The following BMP3 variants were observed in gnomAD, a reference collection of about 807,000 sequenced individuals.
BMP3 encodes the protein bone morphogenetic protein 3 (osteogenic).
In BMP3, 23 loss-of-function variants were observed where a neutral mutation model predicts 38.1. The ratio of observed to expected loss-of-function variants is 0.60; its 90% CI spans 0.43 to 0.86. The LOEUF is 0.86. BMP3 is among the 40% of genes least tolerant of loss of function. The probability of loss-of-function intolerance (pLI) is 0.00; values close to 1 mark genes in which losing one functional copy is unlikely to be tolerated. For synonymous variants in BMP3, 258 were observed against 225.7 expected, an observed-to-expected ratio of 1.14 and a Z score of -1.28; for missense variants, 628 against 579.6, an observed-to-expected ratio of 1.08 and a Z score of -0.86.
At chr4:81,031,747 G>A in intron 1 of BMP3, 147 bp downstream of exon 1, 5 of 1,004,066 alleles carry the variant, frequency 5.0e-6, no homozygotes, top group Non-Finnish European at 7.1e-6. Flanking sequence ...GGATTCCTCC[G>A]TCCAGTCACA....
chr4:81,052,335 G>A (rs1348513029), intron 2 of BMP3, among the ~76,000 whole-genome samples: 1 of 152,130 alleles, frequency 6.6e-6, no homozygotes, highest in Non-Finnish European at 1.5e-5. Context: ...GCACAGTGGG[G>A]CATCTCTTAG....
At position 81,034,413 on chromosome 4, in the gene BMP3, T is replaced by C. The variant is rs767814932; in HGVS notation, c.316+2813T>C. Among the ~76,000 whole-genome samples, 438 of 152,334 alleles carry C rather than the reference T, an allele frequency of 2.9e-3. 1 individual carries two copies. Among genetic ancestry groups the C allele is most frequent in the Non-Finnish European group, 5.2e-3 (357 of 68,014 alleles). On this transcript the variant is annotated intron_variant, in intron 1 of 2. Transcript: ENST00000282701. ...AATTAGCATTTATTTTGATTTTGGT[T>C]TAAGTTGTCTCTGGCTACTATATGA...
At chr4:81,044,108 A>G (rs1456934009) in intron 1 of BMP3, among the ~76,000 whole-genome samples, 2 of 152,208 alleles carry the variant, frequency 1.3e-5, no homozygotes, top group East Asian at 1.9e-4. Context: ...TGAAGTTGGT[A>G]AGTGGCTGAG....
In BMP3 at chr4:81,031,459, C is replaced by A; in HGVS notation, c.175C>A (p.His59Asn). Residue 59 changes from histidine (H) to asparagine (N), a missense_variant, in exon 1 of 3, where the codon CAC (histidine) becomes AAC (asparagine). By Grantham distance (68) the His-to-Asn change is moderately conservative (BLOSUM62 1). Coordinates refer to ENST00000282701, the MANE Select transcript of BMP3 (RefSeq NM_001201.5). The part of the protein sequence containing the change: ...ELQPQDKVSE[H>N]MLRLYDRYST... ...GCAGCCGCAAGACAAGGTCTCTGAACACATGCTGCGGCTCTATGACAGGTA... is the reference window on the plus strand; with the variant it reads ...GCAGCCGCAAGACAAGGTCTCTGAAAACATGCTGCGGCTCTATGACAGGTA... The A allele has an allele frequency of 6.2e-7, 1 of 1,613,626 alleles. No homozygotes were observed. The highest frequency in any genetic ancestry group is 8.5e-7 in the Non-Finnish European group (1 of 1,179,762).
chr4:81,047,308 G>A (rs964925419), intron 2 of BMP3, among the ~76,000 whole-genome samples: 11 of 152,078 alleles, frequency 7.2e-5, no homozygotes, highest in Admixed American at 2.0e-4. Flanking sequence ...GTATCTCCTC[G>A]AAAATCCATA....
intron 1 of BMP3, among the ~76,000 whole-genome samples, chr4:81,043,955 T>G (rs1366140607): frequency 6.6e-6 from 1 of 152,184 alleles, no homozygotes; most frequent in African/African-American, 2.4e-5. Flanking sequence ...ATACCAGAAC[T>G]AATAACAATA....
intron 1 of BMP3, among the ~76,000 whole-genome samples, chr4:81,032,352 G>C (rs2868127): frequency 6.6e-6 from 1 of 152,118 alleles, no homozygotes; most frequent in African/African-American, 2.4e-5. Flanking sequence ...ATCTGCCCAA[G>C]AAAATCTGCT....
chr4:81,031,197 C>G lies in BMP3; in HGVS notation c.-88C>G. On this transcript the variant is annotated 5_prime_UTR_variant, in exon 1 of 3. Transcript: ENST00000282701. ...CCCTCGCCCCAGCTGGTTTGGAGTTCAACCCTCGGCTCCGCCGCCGGCTCC... is the reference window on the plus strand; with the variant it reads ...CCCTCGCCCCAGCTGGTTTGGAGTTGAACCCTCGGCTCCGCCGCCGGCTCC... The G allele has an allele frequency of 7.1e-7, 1 of 1,400,154 alleles. No individual in the cohort carries two copies. The highest frequency in any genetic ancestry group is 9.5e-7 in the Non-Finnish European group (1 of 1,056,456). 86.7% of individuals were successfully genotyped at this position (1,400,154 alleles called of 1,614,324 possible).
chr4:81,031,331 G>T lies in BMP3; in HGVS notation c.47G>T (p.Cys16Phe). 6.2e-7 allele frequency: 1 copy of T among 1,610,900 alleles called. No homozygotes were observed. Among genetic ancestry groups the T allele is most frequent in the Non-Finnish European group, 8.5e-7 (1 of 1,179,026 alleles). Residue 16 changes from cysteine to phenylalanine, a missense_variant, in exon 1 of 3, where the codon TGC (cysteine) becomes TTC (phenylalanine). Cys to Phe is a radical substitution (Grantham distance 205). Transcript: ENST00000282701. ...CTCTTTCTGTGGCTGGGCTGCTTCTGCGTGAGCCTGGCGCAGGGAGAGAGA... is the reference window on the plus strand; with the variant it reads ...CTCTTTCTGTGGCTGGGCTGCTTCTTCGTGAGCCTGGCGCAGGGAGAGAGA... ...RLLFLWLGCF[C>F]VSLAQGERPK...
chr4:81,038,678 G>A (rs921509856), intron 1 of BMP3, among the ~76,000 whole-genome samples: 2 of 152,224 alleles, frequency 1.3e-5, no homozygotes, highest in Non-Finnish European at 2.9e-5. Flanking sequence ...GGCTCTTGCT[G>A]ATTTTGGGAA....
In BMP3 at chr4:81,046,329, C is replaced by A. The variant is rs759652850; in HGVS notation, c.908C>A (p.Pro303His). Residue 303 changes from proline to histidine, a missense_variant, in exon 2 of 3, where the codon CCT (proline) becomes CAT (histidine). Physicochemically the swap from Pro to His is moderately conservative, Grantham distance 77. Transcript: ENST00000282701. Reference sequence around the variant, plus strand: ...CTGCCTCTGCAGAACAACGAGCTTCCTGGGGCAGAATACCAGTATAAAAAG... The same window carrying A: ...CTGCCTCTGCAGAACAACGAGCTTCATGGGGCAGAATACCAGTATAAAAAG... ...VLLPLQNNEL[P>H]GAEYQYKKDE... is the part of the protein sequence containing the mutation. The A allele has an allele frequency of 1.9e-6, 3 of 1,613,988 alleles. No individual in the cohort carries two copies. Among genetic ancestry groups the A allele is most frequent in the Non-Finnish European group, 2.5e-6 (3 of 1,180,004 alleles).
Position 81,053,610 on chromosome 4 carries a change from T to C in BMP3, c.*74T>C. 1 of 811,964 alleles carries C rather than the reference T, an allele frequency of 1.2e-6. No homozygotes were observed. The highest frequency in any genetic ancestry group is 1.7e-6 in the Non-Finnish European group (1 of 578,032). The allele number at this position is 811,964 out of a possible 1,614,324, so 50.3% of individuals were successfully genotyped here. On this transcript the variant is annotated 3_prime_UTR_variant, in exon 3 of 3. Coordinates refer to ENST00000282701, the MANE Select transcript of BMP3 (RefSeq NM_001201.5). ...TTATGGACTTCTTCCTGTTTTTTTT[T>C]TTTTTTTTTTTGCACTGCCAATGCA...
intron 1 of BMP3, 68 bp downstream of exon 1, chr4:81,031,668 C>T (rs1560509169): frequency 2.7e-6 from 4 of 1,462,880 alleles, no homozygotes; most frequent in East Asian, 4.9e-5. Context: ...CCCCCCACAG[C>T]TTCCTTGTCT....
Position 81,046,203 on chromosome 4 carries a change from G to A in BMP3, c.782G>A (p.Gly261Glu). The A allele has an allele frequency of 6.2e-7, 1 of 1,614,060 alleles. No homozygotes were observed. Among genetic ancestry groups the A allele is most frequent in the Non-Finnish European group, 8.5e-7 (1 of 1,180,024 alleles). ...GAAAGTGTGGTATCAAGCTTACAGG[G>A]ACACCGGAATTTTCCCACTGGAACT... The part of the protein sequence containing the change: ...EPESVVSSLQ[G>E]HRNFPTGTVP... Residue 261 changes from glycine to glutamate, a missense_variant, in exon 2 of 3, where the codon GGA (glycine) becomes GAA (glutamate). Transcript: ENST00000282701.
chr4:81,033,349 C>T (rs545991829), intron 1 of BMP3, among the ~76,000 whole-genome samples: 1 of 152,128 alleles, frequency 6.6e-6, no homozygotes, highest in Non-Finnish European at 1.5e-5. Context: ...GCACCATATT[C>T]TTTTTGGCTT....
In BMP3 at chr4:81,043,071, A is replaced by G. The variant is rs145387805; in HGVS notation, c.317-2667A>G. ...CACTTCCCTTGTGCTTGGGGACTCA[A>G]TGAACTCATTTTAAGTTTCCACATC... On this transcript the variant is annotated intron_variant, in intron 1 of 2. Transcript: ENST00000282701. 5.7e-3 allele frequency among the ~76,000 whole-genome samples: 863 copies of G among 152,348 alleles called. 4 individuals carry two copies. Among genetic ancestry groups the G allele is most frequent in the African/African-American group, 0.02 (820 of 41,576 alleles).
At chr4:81,045,627 C>T (rs528357546) in intron 1 of BMP3, 111 bp from the exon 2 acceptor site, 15 of 930,688 alleles carry the variant, frequency 1.6e-5, no homozygotes, top group Non-Finnish European at 2.1e-5. Context: ...CCAAAAATTT[C>T]ATGGATTTAG....
At position 81,055,639 on chromosome 4, in the gene BMP3, T is replaced by C. The variant is rs554525952; in HGVS notation, c.*2103T>C. ...TTGGTGAAATTCTAAATTTAGGTTTTTTTCTAGAGCTGTATCAACCAAAAC... is the reference window on the plus strand; with the variant it reads ...TTGGTGAAATTCTAAATTTAGGTTTCTTTCTAGAGCTGTATCAACCAAAAC... On this transcript the variant is annotated 3_prime_UTR_variant, in exon 3 of 3. Transcript: ENST00000282701. 3 of 152,290 alleles carry C rather than the reference T, an allele frequency of 2.0e-5. No homozygotes were observed. The South Asian group carries it at 6.2e-4, about 32-fold the overall frequency. The allele number at this position is 152,290 out of a possible 1,614,324, so 9.4% of individuals were successfully genotyped here.
At chr4:81,037,994 C>T (rs1303687958) in intron 1 of BMP3, among the ~76,000 whole-genome samples, 2 of 152,084 alleles carry the variant, frequency 1.3e-5, no homozygotes, top group Non-Finnish European at 2.9e-5. Flanking sequence ...CTACAAGATT[C>T]TGATCCATAT....
Sources: gnomAD v4.1 joint callset for allele counts (sites outside exome capture counted in the v4.1 genomes callset) on GRCh38, gnomAD v4.1.1 for gene constraint, MANE v1.5 for transcripts, NCBI Gene and HGNC (gene_info 2026-07-23, HGNC 2026-07-21) for gene names.